Variants in L2HGDH observed in about 807,000 individuals in gnomAD.
L2HGDH encodes L-2-hydroxyglutarate dehydrogenase, mitochondrial.
Under a neutral mutation model 51.5 loss-of-function variants are expected in L2HGDH, and 34 were observed. The ratio of observed to expected loss-of-function variants is 0.66; its 90% CI spans 0.50 to 0.88. The LOEUF (loss-of-function observed/expected upper bound fraction) is 0.88, where lower values mean the gene tolerates loss of function less well. L2HGDH is among the 40% of genes least tolerant of loss of function. The pLI, the probability that L2HGDH is intolerant of heterozygous loss-of-function variation, is 0.00. For missense variants in L2HGDH, 558 were observed against 571.9 expected (o/e 0.98, Z 0.25); for synonymous variants, 198 against 197.9 (o/e 1.00, Z -0.01).
At chr14:50,288,195 A>G (rs2139176425) in intron 4 of L2HGDH, among the ~76,000 whole-genome samples, 1 of 152,342 alleles carries the variant, frequency 6.6e-6, no homozygotes, top group African/African-American at 2.4e-5. Flanking sequence ...ATTGAATTCC[A>G]TCAAAATCAT....
rs923952376 is a variant in L2HGDH at position 50,244,330 on chromosome 14, C to A, written c.*2728G>T. Reference sequence around the variant, plus strand: ...TAAAAGTGTTCCTATTTCTCCACATCCTCTCCAGCACCTGTTGTTTCCTTT... The same window carrying A: ...TAAAAGTGTTCCTATTTCTCCACATACTCTCCAGCACCTGTTGTTTCCTTT... On this transcript the variant is annotated 3_prime_UTR_variant, in exon 10 of 10. Transcript: ENST00000267436. 147 of 947,874 alleles carry A rather than the reference C, an allele frequency of 1.6e-4. No individual in the cohort carries two copies. The highest frequency in any genetic ancestry group is 1.7e-4 in the Non-Finnish European group (138 of 795,970). 58.7% of individuals were successfully genotyped at this position (947,874 alleles called of 1,614,324 possible).
Position 50,294,661 on chromosome 14 carries a change from A to C in L2HGDH, c.409-415T>G, listed in dbSNP as rs149081772. On this transcript the variant is annotated intron_variant, in intron 3 of 9. Transcript: ENST00000267436. ...TTTCTTCAGGAAAATGTAAAATATC[A>C]GCACATCAGAAAGACAACTGGTACT... Among the ~76,000 whole-genome samples, 529 of 152,336 alleles carry C rather than the reference A, an allele frequency of 3.5e-3. 3 individuals are homozygous for C. The highest frequency in any genetic ancestry group is 0.012 in the African/African-American group (493 of 41,572).
chr14:50,303,670 G>A (rs183910639), intron 1 of L2HGDH, among the ~76,000 whole-genome samples: 1 of 151,246 alleles, frequency 6.6e-6, no homozygotes, highest in Non-Finnish European at 1.5e-5. Context: ...CCAACTACTC[G>A]GGAGGCTAAG....
intron 4 of L2HGDH, among the ~76,000 whole-genome samples, chr14:50,285,823 C>T (rs1310637813): frequency 1.3e-5 from 2 of 152,190 alleles, no homozygotes; most frequent in Non-Finnish European, 2.9e-5. Context: ...CCCTTTACTC[C>T]ATTCCAGACC....
chr14:50,308,388 GAAAAA>G (rs71118865), intron 1 of L2HGDH, among the ~76,000 whole-genome samples: 7,007 of 131,530 alleles, frequency 0.053, 236 homozygotes, highest in Non-Finnish European at 0.082. Context: ...CTCCATCTCA[GAAAAA>G]AAAAAAAAAA....
Position 50,286,424 on chromosome 14 carries a change from C to A in L2HGDH, c.541-2391G>T, listed in dbSNP as rs117011774. ...GAGGCAGTTTAAAATTTTCCAAGGG[C>A]CTCTCCCCGATGATACTTGGTTTTC... On this transcript the variant is annotated intron_variant, in intron 4 of 9. Transcript: ENST00000267436. Among the ~76,000 whole-genome samples, 189 of 152,212 alleles carry A rather than the reference C, an allele frequency of 1.2e-3. 1 individual carries two copies. Among genetic ancestry groups the A allele is most frequent in the African/African-American group, 4.1e-3 (170 of 41,530 alleles).
At chr14:50,284,683 C>G (rs1200770300) in intron 4 of L2HGDH, among the ~76,000 whole-genome samples, 1 of 152,160 alleles carries the variant, frequency 6.6e-6, no homozygotes, top group Non-Finnish European at 1.5e-5. Context: ...TTTTGGTGAT[C>G]ATTGTTAATA....
intron 9 of L2HGDH, among the ~76,000 whole-genome samples, chr14:50,252,668 C>T (rs1888433782): frequency 6.6e-6 from 1 of 151,802 alleles, no homozygotes; most frequent in Non-Finnish European, 1.5e-5. Context: ...GACTGCAAGA[C>T]AAAAACTGTA....
At position 50,243,376 on chromosome 14, in the gene L2HGDH, G is replaced by A; in HGVS notation, c.*3682C>T. ...CAGAAATGAGTTTTTTAAAAAGGTT[G>A]GCTGCTATCTATCTAAAGCAAACAG... is the stretch of plus-strand genomic sequence containing the variant. On this transcript the variant is annotated 3_prime_UTR_variant, in exon 10 of 10. Transcript: ENST00000267436. The A allele has an allele frequency of 1.0e-6, 1 of 983,394 alleles. No individual in the cohort carries two copies. The highest frequency in any genetic ancestry group is 1.7e-5 in the African/African-American group (1 of 57,170). 60.9% of individuals were successfully genotyped at this position (983,394 alleles called of 1,614,324 possible).
intron 6 of L2HGDH, among the ~76,000 whole-genome samples, chr14:50,271,562 T>C (rs1025080964): frequency 2.6e-5 from 4 of 152,206 alleles, no homozygotes; most frequent in Admixed American, 2.6e-4. Context: ...TCTTTTAGGC[T>C]TGGCACGGTG....
chr14:50,275,545 A>T (rs1418909882), intron 6 of L2HGDH, among the ~76,000 whole-genome samples: 2 of 152,224 alleles, frequency 1.3e-5, no homozygotes, highest in Admixed American at 1.3e-4. Flanking sequence ...CAGTGAACTT[A>T]TTCTGCAGCA....
At chr14:50,302,190 GTA>G (rs778544475) in intron 2 of L2HGDH, 22 bp from the exon 3 acceptor site, 9 of 1,611,958 alleles carry the variant, frequency 5.6e-6, no homozygotes, top group African/African-American at 5.3e-5. Flanking sequence ...GAGAAACAGG[GTA>G]AGAGTAAGTA....
chr14:50,312,146 A>T lies in L2HGDH; in HGVS notation c.5T>A (p.Val2Glu), dbSNP rs754056855. 13 of 1,609,768 alleles carry T rather than the reference A, an allele frequency of 8.1e-6. No individual in the cohort carries two copies. In the East Asian group the frequency reaches 2.7e-4, roughly 33 times the overall value. The part of the protein sequence containing the change: M[V>E]PALRYLVGAC... ...ACCAACCAAATAACGCAGCGCTGGC[A>T]CCATCCCCTACGCACGCTCCCCTCC... The change falls in exon 1 of 10, where the codon GTG (valine) becomes GAG (glutamate). Residue 2 changes from valine to glutamate, a missense_variant. Coordinates refer to ENST00000267436, the MANE Select transcript of L2HGDH (RefSeq NM_024884.3).
chr14:50,304,702 G>T (rs1193759308), intron 1 of L2HGDH, among the ~76,000 whole-genome samples: 1 of 152,176 alleles, frequency 6.6e-6, no homozygotes, highest in Non-Finnish European at 1.5e-5. Context: ...AGGCGTGGTG[G>T]CGGGCACCTG....
chr14:50,309,126 T>G (rs2030902251), intron 1 of L2HGDH, among the ~76,000 whole-genome samples: 1 of 152,240 alleles, frequency 6.6e-6, no homozygotes, highest in Non-Finnish European at 1.5e-5. Context: ...CTCTTAACAG[T>G]CTTTTGCAGA....
intron 6 of L2HGDH, among the ~76,000 whole-genome samples, chr14:50,269,649 T>C (rs1566514704): frequency 6.6e-6 from 1 of 152,130 alleles, no homozygotes; most frequent in African/African-American, 2.4e-5. Context: ...ATCTGTTTAT[T>C]AGGACCTAGC....
chr14:50,294,233 A>G lies in L2HGDH; in HGVS notation c.422T>C (p.Val141Ala), dbSNP rs1350706306. 12 of 1,613,430 alleles carry G rather than the reference A, an allele frequency of 7.4e-6. No homozygotes were observed. The highest frequency in any genetic ancestry group is 1.0e-5 in the Non-Finnish European group (12 of 1,179,844). Residue 141 changes from valine (V) to alanine (A), a missense_variant, in exon 4 of 10, where the codon GTT becomes GCT. Physicochemically the swap from Val to Ala is moderately conservative, Grantham distance 64 (BLOSUM62 0). Coordinates refer to ENST00000267436, the MANE Select transcript of L2HGDH (RefSeq NM_024884.3). ...AAGTCTGGGAATTTCTTCTTGTTCA[A>G]CAGCTACTATAAGCTTCAAAAAAAA... ...YKQCGKLIVA[V>A]EQEEIPRLQA... is the part of the protein sequence containing the mutation.
chr14:50,263,033 G>A (rs1366287731), intron 9 of L2HGDH, among the ~76,000 whole-genome samples: 1 of 152,082 alleles, frequency 6.6e-6, no homozygotes, highest in African/African-American at 2.4e-5. Flanking sequence ...ATAACCACAA[G>A]CCCGAAGTCC....
intron 5 of L2HGDH, among the ~76,000 whole-genome samples, chr14:50,283,144 T>C (rs1045353207): frequency 6.6e-6 from 1 of 151,694 alleles, no homozygotes; most frequent in East Asian, 1.9e-4. Flanking sequence ...AAGGTTACAG[T>C]GAGCCGGGAT....
Sources: allele counts gnomAD v4.1 joint callset (sites outside exome capture counted in the v4.1 genomes callset), GRCh38; gene constraint gnomAD v4.1.1; transcripts MANE v1.5; gene names NCBI Gene and HGNC (gene_info 2026-07-23, HGNC 2026-07-21).